SLC6A11: variants seen among roughly 807,000 people sequenced by gnomAD.
SLC6A11 encodes solute carrier family 6 member 11.
A neutral mutation model predicts 74.8 loss-of-function variants in SLC6A11; 25 were observed. The observed-to-expected ratio is 0.33, with a 90% CI of 0.24 to 0.47. SLC6A11 has a LOEUF of 0.47. SLC6A11 is among the 20% of genes least tolerant of loss of function. The pLI, the probability that SLC6A11 is intolerant of heterozygous loss-of-function variation, is 1.00. For synonymous variants in SLC6A11, 330 were observed against 330.2 expected, an observed-to-expected ratio of 1.00 and a Z score of 0.01; for missense variants, 574 against 837.0, an observed-to-expected ratio of 0.69 and a Z score of 3.88.
intron 6 of SLC6A11, among the ~76,000 whole-genome samples, chr3:10,904,129 C>T (rs147153426): frequency 7.2e-5 from 11 of 152,336 alleles, no homozygotes; most frequent in Middle Eastern, 3.4e-3. Context: ...ACTGGGACAG[C>T]GTGTGCTGAG....
At chr3:10,865,015 T>C (rs1296332999) in intron 5 of SLC6A11, among the ~76,000 whole-genome samples, 1 of 152,226 alleles carries the variant, frequency 6.6e-6, no homozygotes, top group Non-Finnish European at 1.5e-5. Context: ...ACAGAGCTGA[T>C]TCCTGCCTCT....
intron 4 of SLC6A11, among the ~76,000 whole-genome samples, chr3:10,837,787 C>T (rs1255708914): frequency 1.3e-5 from 2 of 152,150 alleles, no homozygotes; most frequent in African/African-American, 4.8e-5. Flanking sequence ...TGGCTGAGTC[C>T]CTGGCTTGGT....
At position 10,929,364 on chromosome 3, in the gene SLC6A11, C is replaced by T. The variant is rs1271878951; in HGVS notation, c.1371+25C>T. On this transcript the variant is annotated intron_variant, in intron 10 of 13. Coordinates refer to ENST00000254488, the MANE Select transcript of SLC6A11 (RefSeq NM_014229.3). ...GGTGAGTGGCATGGTTCGGGCCGCA[C>T]GGGGTGAAGTGGGTGTGTGACGTCA... 5.0e-6 allele frequency: 8 copies of T among 1,611,244 alleles called. No individual in the cohort carries two copies. The Admixed American group carries it at 5.0e-5, about 10-fold the overall frequency.
chr3:10,858,378 G>C (rs1174350792), intron 5 of SLC6A11, among the ~76,000 whole-genome samples: 1 of 152,150 alleles, frequency 6.6e-6, no homozygotes, highest in African/African-American at 2.4e-5. Context: ...ACAGGAAGTG[G>C]AACATGCAGA....
intron 10 of SLC6A11, among the ~76,000 whole-genome samples, chr3:10,931,477 C>T (rs1695686222): frequency 6.6e-6 from 1 of 152,216 alleles, no homozygotes; most frequent in Non-Finnish European, 1.5e-5. Flanking sequence ...TCCTGACCCC[C>T]ACAGACCTGA....
chr3:10,940,407 G>A lies in SLC6A11; in HGVS notation c.*2005G>A, dbSNP rs1312884263. Reference sequence around the variant, plus strand: ...ACACGTCGTAATGTGGCTAACGCTTGACTCACTTAACACTACTCATGGGGC... The same window carrying A: ...ACACGTCGTAATGTGGCTAACGCTTAACTCACTTAACACTACTCATGGGGC... On this transcript the variant is annotated 3_prime_UTR_variant, in exon 14 of 14. Coordinates refer to ENST00000254488, the MANE Select transcript of SLC6A11 (RefSeq NM_014229.3). The A allele has an allele frequency of 6.6e-6, 1 of 151,958 alleles. No individual in the cohort carries two copies. The highest frequency in any genetic ancestry group is 1.5e-5 in the Non-Finnish European group (1 of 68,024). 9.4% of individuals were successfully genotyped at this position (151,958 alleles called of 1,614,324 possible). A position where few individuals can be genotyped will look rare whatever the true frequency, so the allele number is the denominator to read the frequency against.
chr3:10,872,812 G>T (rs1575683802), intron 5 of SLC6A11, among the ~76,000 whole-genome samples: 1 of 152,190 alleles, frequency 6.6e-6, no homozygotes, highest in East Asian at 1.9e-4. Context: ...TAGAAAGCTG[G>T]AAGTCTCAGG....
At position 10,816,960 on chromosome 3, in the gene SLC6A11, A is replaced by C. The variant is rs954409458; in HGVS notation, c.256+439A>C. 2.0e-5 allele frequency among the ~76,000 whole-genome samples: 3 copies of C among 152,328 alleles called. No individual in the cohort carries two copies. The highest frequency in any genetic ancestry group is 4.4e-5 in the Non-Finnish European group (3 of 68,040). ...TGAAGTGCCGAGCACCTTTGACCAT[A>C]TCATCTCATCTCATCCTCTCAGTCA... On this transcript the variant is annotated intron_variant, in intron 1 of 13. Coordinates refer to ENST00000254488, the MANE Select transcript of SLC6A11 (RefSeq NM_014229.3). The surrounding 1 kb of genome is among the most constrained non-coding windows in gnomAD (Gnocchi z 4.2).
rs1694066943 is a variant in SLC6A11, at chr3:10,816,727, G to C, written c.256+206G>C. Among the ~76,000 whole-genome samples the C allele has an allele frequency of 6.6e-6, 1 of 152,256 alleles. No individual in the cohort carries two copies. The highest frequency in any genetic ancestry group is 2.1e-4 in the South Asian group (1 of 4,838). Reference sequence around the variant, plus strand: ...CACGCGCACGTGCCAATTCGCACCTGAGGGTTCCACCTGCCAGCGCGGGGA... The same window carrying C: ...CACGCGCACGTGCCAATTCGCACCTCAGGGTTCCACCTGCCAGCGCGGGGA... On this transcript the variant is annotated intron_variant, in intron 1 of 13. Coordinates refer to ENST00000254488, the MANE Select transcript of SLC6A11 (RefSeq NM_014229.3). The surrounding 1 kb of genome is among the most constrained non-coding windows in gnomAD (Gnocchi z 4.2).
intron 5 of SLC6A11, 118 bp from the exon 6 acceptor site, chr3:10,874,843 G>A: frequency 1.0e-6 from 1 of 985,796 alleles, no homozygotes; most frequent in Non-Finnish European, 1.5e-6. Flanking sequence ...GGGGAATGCT[G>A]GTCAGCCTTG....
chr3:10,853,778 C>T (rs901876723), intron 5 of SLC6A11, among the ~76,000 whole-genome samples: 3 of 152,230 alleles, frequency 2.0e-5, no homozygotes, highest in Non-Finnish European at 2.9e-5. Flanking sequence ...CTATGAAATA[C>T]CTTCACGGCA....
chr3:10,907,807 A>G (rs776267086), intron 6 of SLC6A11, among the ~76,000 whole-genome samples: 1 of 152,264 alleles, frequency 6.6e-6, no homozygotes, highest in African/African-American at 2.4e-5. Context: ...CGGATCAACT[A>G]TTCTAAACAT....
At chr3:10,922,264 C>T (rs1695546346) in intron 8 of SLC6A11, among the ~76,000 whole-genome samples, 1 of 151,974 alleles carries the variant, frequency 6.6e-6, no homozygotes, top group South Asian at 2.1e-4. Flanking sequence ...AATTGAGACC[C>T]ATTAATATAA....
chr3:10,910,530 G>A (rs1325316988), intron 6 of SLC6A11, among the ~76,000 whole-genome samples: 3 of 152,188 alleles, frequency 2.0e-5, no homozygotes, highest in Non-Finnish European at 4.4e-5. Flanking sequence ...AGAAGATAGT[G>A]AGCTTCCGGT....
intron 6 of SLC6A11, among the ~76,000 whole-genome samples, chr3:10,880,387 T>C (rs941293806): frequency 1.3e-5 from 2 of 152,232 alleles, no homozygotes; most frequent in African/African-American, 4.8e-5. Context: ...GGCCTGGCTG[T>C]TGGGCTAGTC....
rs551129636 is a variant in SLC6A11 at position 10,817,559 on chromosome 3, C to G, written c.256+1038C>G. Among the ~76,000 whole-genome samples the G allele has an allele frequency of 2.6e-5, 4 of 152,358 alleles. No homozygotes were observed. The South Asian group carries it at 8.3e-4, about 32-fold the overall frequency. On this transcript the variant is annotated intron_variant, in intron 1 of 13. Transcript: ENST00000254488. The stretch of plus-strand genomic sequence containing the variant: ...GGAAGAGCCTGTATCTGTATATTCT[C>G]TCTTCTCTTTGCTGTGCCCCTGCCC...
chr3:10,877,164 G>A (rs768767689), intron 6 of SLC6A11, among the ~76,000 whole-genome samples: 1 of 152,158 alleles, frequency 6.6e-6, no homozygotes, highest in Non-Finnish European at 1.5e-5. Flanking sequence ...TTTACATATT[G>A]TTATCCATGG....
intron 3 of SLC6A11, among the ~76,000 whole-genome samples, chr3:10,820,153 G>A (rs1379240426): frequency 6.6e-6 from 1 of 152,182 alleles, no homozygotes; most frequent in Non-Finnish European, 1.5e-5. Flanking sequence ...GGGGGTGTGA[G>A]GAAGAGCACT....
chr3:10,886,354 C>T (rs560741076), intron 6 of SLC6A11, among the ~76,000 whole-genome samples: 1 of 152,250 alleles, frequency 6.6e-6, no homozygotes, highest in Non-Finnish European at 1.5e-5. Flanking sequence ...TGGCCTGGTC[C>T]CTGTCCCATA....
Sources: gnomAD v4.1 joint callset for allele counts (sites outside exome capture counted in the v4.1 genomes callset) on GRCh38, gnomAD v4.1.1 for gene constraint, Gnocchi (gnomAD v3.1) non-coding constraint, MANE v1.5 for transcripts, NCBI Gene and HGNC (gene_info 2026-07-23, HGNC 2026-07-21) for gene names.